The following CPAMD8 variants were observed in gnomAD, a reference collection of about 807,000 sequenced individuals.
CPAMD8 encodes C3 and PZP like alpha-2-macroglobulin domain containing 8.
A neutral mutation model predicts 224.7 loss-of-function variants in CPAMD8; 146 were observed. The observed-to-expected ratio is 0.65, with a 90% CI of 0.57 to 0.75. The LOEUF (loss-of-function observed/expected upper bound fraction) is 0.75, where lower values mean the gene tolerates loss of function less well. Among genes scored for constraint, CPAMD8 ranks in the 30% least tolerant of loss-of-function variants. CPAMD8 has a pLI of 0.00. For missense variants in CPAMD8, 2,301 were observed against 2,537.5 expected (o/e 0.91, Z 2.00); for synonymous variants, 966 against 1,044.6 (o/e 0.92, Z 1.45).
intron 9 of CPAMD8, among the ~76,000 whole-genome samples, chr19:17,001,320 GAAAAAAAAAAAAA>G (rs1170361586): frequency 2.4e-5 from 1 of 42,470 alleles, no homozygotes; most frequent in Non-Finnish European, 4.2e-5. Flanking sequence ...GACTCCGTCT[GAAAAAAAAAAAAA>G]AAAAAAAAAA....
chr19:16,972,499 C>A lies in CPAMD8; in HGVS notation c.2071-1466G>T, dbSNP rs1316834264. Among the ~76,000 whole-genome samples, 6 of 152,174 alleles carry A rather than the reference C, an allele frequency of 3.9e-5. No individual in the cohort carries two copies. In the South Asian group the frequency reaches 1.2e-3, roughly 32 times the overall value. Reference sequence around the variant, plus strand: ...CCAGGCTGGAGTGCAGTGGCGCGATCTCGGCTCACTGTAAGCTCCGCCTCC... The same window carrying A: ...CCAGGCTGGAGTGCAGTGGCGCGATATCGGCTCACTGTAAGCTCCGCCTCC... On this transcript the variant is annotated intron_variant, in intron 17 of 41. Transcript: ENST00000443236.
chr19:16,952,038 A>AG lies in CPAMD8; in HGVS notation c.2438dup (p.Leu814SerfsTer23). The AG allele has an allele frequency of 9.5e-6, 15 of 1,583,692 alleles. No individual in the cohort carries two copies. The highest frequency in any genetic ancestry group is 1.3e-5 in the Non-Finnish European group (15 of 1,163,254). On this transcript the variant is annotated frameshift_variant, in exon 20 of 42. Transcript: ENST00000443236. LOFTEE classifies it high-confidence loss of function. ...TGACCTGCTCCCCACGGATGATGAGAGCGGGGAGCATGAAGTCCACGAAGA... is the reference window on the plus strand; with the variant it reads ...TGACCTGCTCCCCACGGATGATGAGAGGCGGGGAGCATGAAGTCCACGAAGA...
chr19:16,907,970 G>C (rs1002415978), intron 29 of CPAMD8, among the ~76,000 whole-genome samples: 2 of 152,168 alleles, frequency 1.3e-5, no homozygotes, highest in Admixed American at 1.3e-4. Context: ...GGATGCCCAA[G>C]TGCATGGCAA....
intron 14 of CPAMD8, among the ~76,000 whole-genome samples, chr19:16,978,262 T>G (rs1460423616): frequency 1.3e-5 from 2 of 152,112 alleles, no homozygotes; most frequent in African/African-American, 4.8e-5. Context: ...ATCTTGGCTC[T>G]GGCCCCTACT....
At chr19:16,915,523 G>T (rs1388507980) in intron 27 of CPAMD8, among the ~76,000 whole-genome samples, 1 of 152,164 alleles carries the variant, frequency 6.6e-6, no homozygotes, top group Non-Finnish European at 1.5e-5. Context: ...GTTGTTTTCA[G>T]CCAAAAACAT....
Position 16,901,421 on chromosome 19 carries a change from G to C in CPAMD8, c.4686-124C>G, listed in dbSNP as rs557828677. 253 of 706,760 alleles carry C rather than the reference G, an allele frequency of 3.6e-4. 2 individuals are homozygous for C. Among genetic ancestry groups the C allele is most frequent in the South Asian group, 2.2e-3 (136 of 62,420 alleles). 43.8% of individuals were successfully genotyped at this position (706,760 alleles called of 1,614,324 possible). ...AGGAAGCCTGCCCTGGGGCCTGGCC[G>C]GCAGGCCAACAGCACACACATCCTT... On this transcript the variant is annotated intron_variant, in intron 35 of 41. Transcript: ENST00000443236.
At chr19:16,943,435 G>A (rs1280321101) in intron 22 of CPAMD8, among the ~76,000 whole-genome samples, 1 of 151,028 alleles carries the variant, frequency 6.6e-6, no homozygotes, top group Non-Finnish European at 1.5e-5. Flanking sequence ...ACAGGGTCTG[G>A]CTCTGTTTTC....
chr19:16,963,251 T>C (rs140803910), intron 18 of CPAMD8, among the ~76,000 whole-genome samples: 6,565 of 152,166 alleles, frequency 0.043, 473 homozygotes, highest in African/African-American at 0.15. Flanking sequence ...GACTGGCAAA[T>C]TGGATAAAGA....
intron 30 of CPAMD8, among the ~76,000 whole-genome samples, chr19:16,904,795 C>A (rs1038342653): frequency 6.6e-6 from 1 of 152,216 alleles, no homozygotes; most frequent in Non-Finnish European, 1.5e-5. Flanking sequence ...GGCTACCCAA[C>A]CTTACCCCTG....
chr19:16,934,729 T>G (rs1034993053), intron 23 of CPAMD8, among the ~76,000 whole-genome samples: 5 of 152,206 alleles, frequency 3.3e-5, no homozygotes, highest in African/African-American at 1.2e-4. Context: ...GAGGAGATGC[T>G]TTTCCTTCTA....
rs371527661 is a variant in CPAMD8, at chr19:16,938,431, G to T, written c.2809C>A (p.Arg937=). The change falls in exon 23 of 42, where the codon CGG becomes AGG. Residue 937 remains arginine (R), a synonymous_variant. Coordinates refer to ENST00000443236, the MANE Select transcript of CPAMD8 (RefSeq NM_015692.5). ...AAGAATGCGCTGTAGGTGTACGCCC[G>T]GGGGACTCCTTCCGCCTGAAACAAA... ...SVMVEAEGVP[R]AYTYSAFFCP... 4 of 1,575,878 alleles carry T rather than the reference G, an allele frequency of 2.5e-6. No individual in the cohort carries two copies. The highest frequency in any genetic ancestry group is 3.4e-6 in the Non-Finnish European group (4 of 1,162,222).
chr19:16,911,615 G>A (rs996670674), intron 29 of CPAMD8, among the ~76,000 whole-genome samples: 2 of 152,070 alleles, frequency 1.3e-5, no homozygotes, highest in East Asian at 1.9e-4. Context: ...GCACCATCTC[G>A]GCTCACGGCA....
chr19:16,904,176 A>AGGCCCCCCCCCCCCCC, intron 32 of CPAMD8, 50 bp downstream of exon 32: 6 of 937,334 alleles, frequency 6.4e-6, no homozygotes, highest in Middle Eastern at 3.2e-4. Context: ...GACTGCAGGG[A>AGGCCCCCCCCCCCCCC]CCCCACCCAC....
intron 17 of CPAMD8, 147 bp downstream of exon 17, chr19:16,974,950 G>T: frequency 9.3e-7 from 1 of 1,079,244 alleles, no homozygotes; most frequent in Non-Finnish European, 1.3e-6. Context: ...ACTCCAGCCT[G>T]GGCCACAGAG....
rs759038849 is a variant in CPAMD8 at position 16,904,223 on chromosome 19, C to T, written c.4251+3G>A. On this transcript the variant is annotated splice_donor_region_variant and intron_variant, in intron 32 of 41. Coordinates refer to ENST00000443236, the MANE Select transcript of CPAMD8 (RefSeq NM_015692.5). ...CCCCTCCCTCTGGCCCTGCCCGGCT[C>T]GCCTGAGTGGAGGAGAAGCCCCCAA... 12 of 1,606,674 alleles carry T rather than the reference C, an allele frequency of 7.5e-6. No homozygotes were observed. The highest frequency in any genetic ancestry group is 6.7e-5 in the African/African-American group (5 of 74,676).
At chr19:16,969,631 G>T (rs141436316) in intron 18 of CPAMD8, among the ~76,000 whole-genome samples, 1 of 152,288 alleles carries the variant, frequency 6.6e-6, no homozygotes, top group Admixed American at 6.5e-5. Context: ...TGTAATCCCA[G>T]CACTTTGAGA....
chr19:16,963,021 T>C (rs1456649775), intron 18 of CPAMD8, among the ~76,000 whole-genome samples: 18 of 152,178 alleles, frequency 1.2e-4, no homozygotes, highest in Admixed American at 1.2e-3. Flanking sequence ...CAGGCCTGCC[T>C]TTCAAGAGCT....
chr19:16,904,176 A>ACCCCCCCCCCCCCCCCCCCAGAC, intron 32 of CPAMD8, 50 bp downstream of exon 32: 1 of 937,340 alleles, frequency 1.1e-6, no homozygotes, highest in Non-Finnish European at 1.7e-6. Flanking sequence ...GACTGCAGGG[A>ACCCCCCCCCCCCCCCCCCCAGAC]CCCCACCCAC....
intron 19 of CPAMD8, among the ~76,000 whole-genome samples, chr19:16,954,497 T>C (rs1364034046): frequency 6.6e-6 from 1 of 152,096 alleles, no homozygotes; most frequent in Non-Finnish European, 1.5e-5. Flanking sequence ...AATTACCACA[T>C]GATTCAGCAA....
Sources: allele counts gnomAD v4.1 joint callset (sites outside exome capture counted in the v4.1 genomes callset), GRCh38; gene constraint gnomAD v4.1.1; transcripts MANE v1.5; gene names NCBI Gene and HGNC (gene_info 2026-07-23, HGNC 2026-07-21).